The following SLC26A7 variants were observed in gnomAD, a reference collection of about 807,000 sequenced individuals.
SLC26A7 encodes the protein anion exchange transporter.
A neutral mutation model predicts 82.5 loss-of-function variants in SLC26A7; 59 were observed. The observed-to-expected ratio is 0.72, with a 90% CI of 0.58 to 0.89. The LOEUF (loss-of-function observed/expected upper bound fraction) is 0.89. Among genes scored for constraint, SLC26A7 ranks in the 40% least tolerant of loss-of-function variants. The pLI, the probability that SLC26A7 is intolerant of heterozygous loss-of-function variation, is 0.00. For missense variants in SLC26A7, 820 were observed against 793.0 expected (o/e 1.03, Z -0.41); for synonymous variants, 271 against 274.3 (o/e 0.99, Z 0.12).
chr8:91,269,074 T>TAATA (rs1811194884), intron 2 of SLC26A7, among the ~76,000 whole-genome samples: 1 of 152,098 alleles, frequency 6.6e-6, no homozygotes. Context: ...TTATTGTCTT[T>TAATA]AATAGTTTTG....
intron 3 of SLC26A7, among the ~76,000 whole-genome samples, chr8:91,291,735 C>T (rs73305661): frequency 0.024 from 3,644 of 152,254 alleles, 142 homozygotes; most frequent in African/African-American, 0.084. Context: ...ACATAAGACT[C>T]TATATTTAAC....
rs1316795928 is a variant in SLC26A7 at position 91,249,823 on chromosome 8, G to A, written c.172G>A (p.Ala58Thr). The change falls in exon 2 of 19, where the codon GCA becomes ACA. Residue 58 changes from alanine (A) to threonine (T), a missense_variant. Ala to Thr is a moderately conservative substitution (Grantham distance 58). Transcript: ENST00000276609. ...AGACACTGTGTCTGGGATAATGTTG[G>A]CAGTTCAACAGGTGACCCAAGGTAA... ...LPDTVSGIML[A>T]VQQVTQGLAF... 47 of 1,605,808 alleles carry A rather than the reference G, an allele frequency of 2.9e-5. No homozygotes were observed. The highest frequency in any genetic ancestry group is 3.7e-5 in the Non-Finnish European group (44 of 1,177,222).
At chr8:91,365,975 G>T (rs1814181906) in intron 13 of SLC26A7, among the ~76,000 whole-genome samples, 1 of 152,174 alleles carries the variant, frequency 6.6e-6, no homozygotes, top group African/African-American at 2.4e-5. Flanking sequence ...AAGCGGACAT[G>T]TTTTGTGTCA....
At chr8:91,305,762 C>T (rs751060399) in intron 4 of SLC26A7, among the ~76,000 whole-genome samples, 14 of 152,160 alleles carry the variant, frequency 9.2e-5, no homozygotes, top group Non-Finnish European at 2.1e-4. Flanking sequence ...ATTTCCTGAA[C>T]ATATGATTAG....
chr8:91,366,292 CTT>C (rs1814189266), intron 13 of SLC26A7, among the ~76,000 whole-genome samples: 1 of 152,130 alleles, frequency 6.6e-6, no homozygotes, highest in Non-Finnish European at 1.5e-5. Flanking sequence ...TCCTGGAACT[CTT>C]TGGATAGTCT....
intron 11 of SLC26A7, among the ~76,000 whole-genome samples, chr8:91,357,498 A>G (rs559383704): frequency 6.6e-6 from 1 of 152,320 alleles, no homozygotes; most frequent in South Asian, 2.1e-4. Flanking sequence ...ATCCAAATCT[A>G]TACTTAGAAC....
chr8:91,270,330 G>C (rs1460472517), intron 2 of SLC26A7, among the ~76,000 whole-genome samples: 2 of 152,088 alleles, frequency 1.3e-5, no homozygotes, highest in Non-Finnish European at 2.9e-5. Context: ...CTTAAATGCT[G>C]CACCCAAACT....
intron 16 of SLC26A7, among the ~76,000 whole-genome samples, chr8:91,393,254 A>C (rs948677692): frequency 2.6e-5 from 4 of 152,088 alleles, no homozygotes; most frequent in Non-Finnish European, 4.4e-5. Flanking sequence ...TAAAAGAGGC[A>C]AAACTCTTAA....
chr8:91,270,029 C>T (rs1223597885), intron 2 of SLC26A7, among the ~76,000 whole-genome samples: 2 of 151,782 alleles, frequency 1.3e-5, no homozygotes, highest in African/African-American at 4.8e-5. Context: ...TTTCTAAAAT[C>T]TTAAAAAAGT....
intron 9 of SLC26A7, chr8:91,348,348 G>A (rs921232): frequency 0.33 from 327,164 of 983,504 alleles, 56,312 homozygotes; most frequent in African/African-American, 0.52. Flanking sequence ...TTTGACAACT[G>A]CTTAGGAAGT....
At position 91,298,925 on chromosome 8, in the gene SLC26A7, G is replaced by T. The variant is rs137860246; in HGVS notation, c.477+3222G>T. 4.0e-3 allele frequency among the ~76,000 whole-genome samples: 608 copies of T among 152,252 alleles called. 2 individuals carry two copies. Among genetic ancestry groups the T allele is most frequent in the Non-Finnish European group, 7.4e-3 (506 of 67,986 alleles). On this transcript the variant is annotated intron_variant, in intron 4 of 18. Transcript: ENST00000276609. ...CATTGTTAAATTCCCTTCCGAAGGG[G>T]TTGTGTCAGTTTACATTCCCATAGC...
intron 15 of SLC26A7, among the ~76,000 whole-genome samples, chr8:91,375,535 A>G (rs1044706044): frequency 6.6e-6 from 1 of 151,992 alleles, no homozygotes. Context: ...TTTTTCTTCA[A>G]GAAGGCTAAA....
chr8:91,323,818 CTTT>C (rs3086210), intron 5 of SLC26A7, among the ~76,000 whole-genome samples: 22 of 117,094 alleles, frequency 1.9e-4, no homozygotes, highest in Admixed American at 6.1e-4. Flanking sequence ...TTTTTCTTAT[CTTT>C]TTTTTTTTTT....
rs955689315 is a variant in SLC26A7 at position 91,322,797 on chromosome 8, A to G, written c.642+4417A>G. 3.8e-4 allele frequency among the ~76,000 whole-genome samples: 58 copies of G among 152,306 alleles called. 1 individual carries two copies. The highest frequency in any genetic ancestry group is 1.3e-3 in the African/African-American group (56 of 41,590). On this transcript the variant is annotated intron_variant, in intron 5 of 18. Coordinates refer to ENST00000276609, the MANE Select transcript of SLC26A7 (RefSeq NM_052832.4). ...GGCGAGCTTGGCAATATATTCAGCC[A>G]TCCTTCTTGGAAGTTTTTATTTTCT... is the stretch of plus-strand genomic sequence containing the variant.
intron 2 of SLC26A7, among the ~76,000 whole-genome samples, chr8:91,238,246 C>A (rs1404576455): frequency 1.3e-5 from 2 of 152,046 alleles, no homozygotes; most frequent in African/African-American, 4.8e-5. Flanking sequence ...TGATGATCAT[C>A]CTGGGGCTGG....
rs141173200 is a variant in SLC26A7, at chr8:91,319,839, C to T, written c.642+1459C>T. Among the ~76,000 whole-genome samples, 70 of 152,286 alleles carry T rather than the reference C, an allele frequency of 4.6e-4. 1 individual carries two copies. Among genetic ancestry groups the T allele is most frequent in the African/African-American group, 1.3e-3 (56 of 41,554 alleles). ...CTTGAATCATATCTGCATACACAAA[C>T]GATCATCTTTCTTTTTTCTAGTTGT... On this transcript the variant is annotated intron_variant, in intron 5 of 18. Coordinates refer to ENST00000276609, the MANE Select transcript of SLC26A7 (RefSeq NM_052832.4).
At chr8:91,347,607 T>A (rs1417068406) in intron 9 of SLC26A7, among the ~76,000 whole-genome samples, 1 of 152,170 alleles carries the variant, frequency 6.6e-6, no homozygotes, top group Non-Finnish European at 1.5e-5. Context: ...GAGGCTGTTT[T>A]GACAGTGAAT....
chr8:91,266,577 T>C (rs1811119503), intron 2 of SLC26A7, among the ~76,000 whole-genome samples: 1 of 152,002 alleles, frequency 6.6e-6, no homozygotes, highest in African/African-American at 2.4e-5. Context: ...TTTTGATTGA[T>C]GTATATTGAT....
rs192315841 is a variant in SLC26A7 at position 91,369,428 on chromosome 8, T to C, written c.1627-357T>C. ...TGGTAGTATATATGATCAGTGGTTC[T>C]CTCTCTTAAAATGCAATGTTAATAA... On this transcript the variant is annotated intron_variant, in intron 14 of 18. Transcript: ENST00000276609. Among the ~76,000 whole-genome samples, 723 of 152,012 alleles carry C rather than the reference T, an allele frequency of 4.8e-3. 4 individuals carry two copies. Among genetic ancestry groups the C allele is most frequent in the African/African-American group, 0.017 (700 of 41,520 alleles).
Sources: allele counts gnomAD v4.1 joint callset (sites outside exome capture counted in the v4.1 genomes callset), GRCh38; gene constraint gnomAD v4.1.1; transcripts MANE v1.5; gene names NCBI Gene and HGNC (gene_info 2026-07-23, HGNC 2026-07-21).